The following ABCG5 variants were observed in gnomAD, a reference collection of about 807,000 sequenced individuals.
ABCG5 encodes ATP binding cassette subfamily G member 5, also known as ATP-binding cassette sub-family G member 5.
ABCG5 carries 64 observed loss-of-function variants against 64.5 expected under a neutral mutation model. The ratio of observed to expected loss-of-function variants is 0.99; its 90% confidence interval spans 0.81 to 1.22. The LOEUF (loss-of-function observed/expected upper bound fraction) is 1.22. Among genes scored for constraint, ABCG5 ranks in the 50% most tolerant of loss-of-function variants. The pLI, the probability that ABCG5 is intolerant of heterozygous loss-of-function variation, is 0.00. For synonymous variants in ABCG5, 385 were observed against 326.3 expected (o/e 1.18, Z -1.94); for missense variants, 908 against 829.5 (o/e 1.09, Z -1.16).
chr2:43,834,076 T>A (rs1258553315), intron 2 of ABCG5, among the ~76,000 whole-genome samples: 1 of 152,224 alleles, frequency 6.6e-6, no homozygotes, highest in Non-Finnish European at 1.5e-5. Context: ...TTCTAATGCA[T>A]CATTGACAAA....
downstream of ABCG5, chr2:43,810,014 G>A (rs1203858281): frequency 7.5e-6 from 8 of 1,071,752 alleles, no homozygotes; most frequent in Admixed American, 8.2e-5. Flanking sequence ...CCTCTAACAT[G>A]TTTAAGTGGT....
intron 5 of ABCG5, among the ~76,000 whole-genome samples, chr2:43,826,831 G>A (rs1192060476): frequency 6.6e-6 from 1 of 152,194 alleles, no homozygotes; most frequent in African/African-American, 2.4e-5. Context: ...AGGGCTGGCA[G>A]GCTGGCATCA....
chr2:43,835,256 ACTTCTGAGCATTGGC>A, intron 2 of ABCG5, among the ~76,000 whole-genome samples: 1 of 50,004 alleles, frequency 2.0e-5, no homozygotes, highest in East Asian at 5.1e-3. Context: ...TTTGGGGTGC[ACTTCTGAGCATTGGC>A]CTTTGGGGTG....
intron 5 of ABCG5, 81 bp from the exon 6 acceptor site, chr2:43,826,602 C>T (rs1192034630): frequency 2.5e-6 from 4 of 1,596,684 alleles, no homozygotes; most frequent in African/African-American, 1.3e-5. Flanking sequence ...CTGAACTGTT[C>T]CTTATTGAGT....
chr2:43,807,525 G>A (rs1394248012), downstream of ABCG5, among the ~76,000 whole-genome samples: 3 of 151,660 alleles, frequency 2.0e-5, no homozygotes, highest in South Asian at 2.1e-4. Flanking sequence ...CTGCAACCTT[G>A]AACTCCAGGG....
At chr2:43,828,178 G>C in intron 4 of ABCG5, 63 bp from the exon 5 acceptor site, 2 of 1,609,386 alleles carry the variant, frequency 1.2e-6, no homozygotes, top group Admixed American at 3.3e-5. Context: ...CAATTCATGG[G>C]CTGGGGAGGA....
chr2:43,810,019 AG>A (rs1261653674), downstream of ABCG5: 28 of 1,038,526 alleles, frequency 2.7e-5, no homozygotes, highest in Non-Finnish European at 3.2e-5. Context: ...AACATGTTTA[AG>A]TGGTATATAC....
downstream of ABCG5, chr2:43,810,126 C>G (rs189236602): frequency 2.8e-6 from 1 of 359,616 alleles, no homozygotes; most frequent in Non-Finnish European, 3.9e-6. Context: ...TAAGTGCCCA[C>G]GTTAGACACA....
intron 11 of ABCG5, among the ~76,000 whole-genome samples, chr2:43,817,428 T>C (rs1392784558): frequency 6.6e-6 from 1 of 151,994 alleles, no homozygotes; most frequent in Non-Finnish European, 1.5e-5. Context: ...GAGGTTGCAG[T>C]GAGCCGAGAT....
At chr2:43,813,552 T>G (rs1351547158) in intron 12 of ABCG5, among the ~76,000 whole-genome samples, 3 of 152,166 alleles carry the variant, frequency 2.0e-5, no homozygotes, top group African/African-American at 7.2e-5. Context: ...ATAAAAATCA[T>G]GATCCCTTAG....
chr2:43,812,720 C>G lies in ABCG5; in HGVS notation c.*396G>C. 1 of 202,722 alleles carries G rather than the reference C, an allele frequency of 4.9e-6. No individual in the cohort carries two copies. The highest frequency in any genetic ancestry group is 1.3e-4 in the East Asian group (1 of 7,864). The allele number at this position is 202,722 out of a possible 1,614,324, so 12.6% of individuals were successfully genotyped here. A position where few individuals can be genotyped will look rare whatever the true frequency, so the allele number is the denominator to read the frequency against. On this transcript the variant is annotated 3_prime_UTR_variant, in exon 13 of 13. Transcript: ENST00000405322. The stretch of plus-strand genomic sequence containing the variant: ...ACTCTCTTTCTCTGTCACTTATGGT[C>G]AGGAATCCTTGAAACATTTTATTTT...
intron 2 of ABCG5, 36 bp downstream of exon 2, chr2:43,837,798 C>G: frequency 6.2e-7 from 1 of 1,612,748 alleles, no homozygotes; most frequent in Non-Finnish European, 8.5e-7. Context: ...TTAACTCAAG[C>G]CAAATCCTTT....
rs79482684 is a variant in ABCG5, at chr2:43,820,060, A to G, written c.1504T>C (p.Phe502Leu). The G allele has an allele frequency of 6.2e-7, 1 of 1,614,186 alleles. No individual in the cohort carries two copies. The highest frequency in any genetic ancestry group is 8.5e-7 in the Non-Finnish European group (1 of 1,180,040). ...LHPEVARFGY[F>L]SAALLAPHLI... is the part of the protein sequence containing the mutation. ...TGGGGGGCCAAGAGAGCAGCAGAAA[A>G]ATATCCAAATCGGGCAACCTCAGGA... The change falls in exon 11 of 13, where the codon TTT (phenylalanine) becomes CTT (leucine). Residue 502 changes from phenylalanine (F) to leucine (L), a missense_variant. By Grantham distance (22) the Phe-to-Leu change is conservative. Transcript: ENST00000405322.
chr2:43,831,759 C>A lies in ABCG5; in HGVS notation c.501+10G>T. The A allele has an allele frequency of 1.3e-6, 2 of 1,568,218 alleles. No individual in the cohort carries two copies. Among genetic ancestry groups the A allele is most frequent in the Non-Finnish European group, 1.7e-6 (2 of 1,158,220 alleles). On this transcript the variant is annotated intron_variant, in intron 4 of 12. Coordinates refer to ENST00000405322, the MANE Select transcript of ABCG5 (RefSeq NM_022436.3). ...CAGTTTGCCCTCTGTGAGCGGGGGG[C>A]TGCACCCACCTTCTTCTGGAAGGAG...
rs1028572835 is a variant in ABCG5 at position 43,831,818 on chromosome 2, G to C, written c.452C>G (p.Thr151Ser). The C allele has an allele frequency of 2.1e-5, 34 of 1,589,912 alleles. No homozygotes were observed. Among genetic ancestry groups the C allele is most frequent in the Non-Finnish European group, 2.8e-5 (33 of 1,170,410 alleles). ...SLTVRETLHY[T>S]ALLAIRRGNP... is the part of the protein sequence containing the mutation. ...GCCGCGGCGGATGGCCAGCAGCGCG[G>C]TGTAGTGCAGCGTCTCGCGCACGGT... The change falls in exon 4 of 13, where the codon ACC becomes AGC. Residue 151 changes from threonine to serine, a missense_variant. Thr to Ser is a moderately conservative substitution (Grantham distance 58). Transcript: ENST00000405322.
intron 12 of ABCG5, 134 bp from the exon 13 acceptor site, chr2:43,813,443 T>C (rs1666591885): frequency 1.4e-6 from 1 of 715,100 alleles, no homozygotes; most frequent in Non-Finnish European, 2.5e-6. Flanking sequence ...AGTTTACAAT[T>C]TGATGAAGCA....
intron 2 of ABCG5, 66 bp downstream of exon 2, chr2:43,837,768 C>A: frequency 1.2e-6 from 2 of 1,605,824 alleles, no homozygotes; most frequent in Admixed American, 3.3e-5. Context: ...ACAACTTAAT[C>A]TGTTTCTTCA....
chr2:43,811,654 G>A (rs1488741532), downstream of ABCG5, among the ~76,000 whole-genome samples: 2 of 151,906 alleles, frequency 1.3e-5, no homozygotes, highest in Non-Finnish European at 2.9e-5. Context: ...GAGTGCAGTG[G>A]TGCATTCTCG....
In ABCG5 at chr2:43,838,640, C is replaced by A; in HGVS notation, c.40G>T (p.Gly14Cys). Residue 14 changes from glycine (G) to cysteine (C), a missense_variant, in exon 1 of 13, where the codon GGT becomes TGT. Gly to Cys is a radical substitution (Grantham distance 159). Transcript: ENST00000405322. The surrounding 1 kb of genome is among the most constrained non-coding windows in gnomAD (Gnocchi z 4.2). Reference protein sequence around the residue: ...LSSLTPGGSMGLQVNRGSQSS... With the variant: ...LSSLTPGGSMCLQVNRGSQSS... ...TGGGAGCCTCTGTTTACTTGGAGAC[C>A]CATGGACCCTCCGGGGGTCAAAGAT... 2 of 1,613,562 alleles carry A rather than the reference C, an allele frequency of 1.2e-6. No individual in the cohort carries two copies. Among genetic ancestry groups the A allele is most frequent in the Non-Finnish European group, 1.7e-6 (2 of 1,179,928 alleles).
Sources: gnomAD v4.1 joint callset for allele counts (sites outside exome capture counted in the v4.1 genomes callset) on GRCh38, gnomAD v4.1.1 for gene constraint, Gnocchi (gnomAD v3.1) non-coding constraint, MANE v1.5 for transcripts, NCBI Gene and HGNC (gene_info 2026-07-23, HGNC 2026-07-21) for gene names.